The following JHY variants were observed in gnomAD, a reference collection of about 807,000 sequenced individuals.
JHY encodes jhy protein homolog.
JHY carries 69 observed loss-of-function variants against 78.0 expected under a neutral mutation model. The observed-to-expected ratio is 0.88, with a 90% confidence interval of 0.73 to 1.08. The LOEUF is 1.08. JHY is among the 50% of genes least tolerant of loss of function. The probability of loss-of-function intolerance (pLI) is 0.00; values close to 1 mark genes in which losing one functional copy is unlikely to be tolerated. For synonymous variants in JHY, 368 were observed against 342.6 expected (o/e 1.07, Z -0.82); for missense variants, 944 against 927.8 (o/e 1.02, Z -0.23).
At position 122,885,703 on chromosome 11, in the gene JHY, C is replaced by T. The variant is rs1184048317; in HGVS notation, c.-89-58C>T. On this transcript the variant is annotated intron_variant, in intron 1 of 8. Transcript: ENST00000227349. ...CTTACTCATTTAAATATTTGATTAA[C>T]GTTGACAGTATTGAGATTTTAGTGG... 4.0e-5 allele frequency: 25 copies of T among 620,516 alleles called. 1 individual carries two copies. Among genetic ancestry groups the T allele is most frequent in the Middle Eastern group, 4.2e-4 (1 of 2,366 alleles). 38.4% of individuals were successfully genotyped at this position (620,516 alleles called of 1,614,324 possible).
intron 4 of JHY, among the ~76,000 whole-genome samples, chr11:122,925,445 C>A (rs1863475756): frequency 6.6e-6 from 1 of 152,182 alleles, no homozygotes; most frequent in African/African-American, 2.4e-5. Context: ...CCTCACCAAA[C>A]CCTCATTTTC....
Position 122,956,540 on chromosome 11 carries a change from A to G in JHY, c.1974A>G (p.Gly658=). ...KGYQKRDVKL[G]GLGPDFESIR... ...ATCAGAAAAGAGACGTGAAGCTTGGAGGCCTCGGACCTGACTTTGAGTCCA... is the reference window on the plus strand; with the variant it reads ...ATCAGAAAAGAGACGTGAAGCTTGGGGGCCTCGGACCTGACTTTGAGTCCA... The change falls in exon 7 of 9, where the codon GGA becomes GGG. Residue 658 remains glycine (G), a synonymous_variant. Coordinates refer to ENST00000227349, the MANE Select transcript of JHY (RefSeq NM_024806.4). 6.2e-7 allele frequency: 1 copy of G among 1,613,706 alleles called. No individual in the cohort carries two copies. The highest frequency in any genetic ancestry group is 1.7e-5 in the Admixed American group (1 of 60,012).
intron 6 of JHY, among the ~76,000 whole-genome samples, chr11:122,950,500 C>T (rs1864064970): frequency 6.6e-6 from 1 of 152,124 alleles, no homozygotes; most frequent in Non-Finnish European, 1.5e-5. Context: ...TTAGAGGAAG[C>T]CATGGACCCA....
chr11:122,893,877 C>T (rs1355059722), intron 2 of JHY, among the ~76,000 whole-genome samples: 1 of 152,070 alleles, frequency 6.6e-6, no homozygotes, highest in African/African-American at 2.4e-5. Context: ...GAGGAGGAAC[C>T]CAAGACCTAG....
At chr11:122,910,679 G>GA (rs1463042169) in intron 3 of JHY, among the ~76,000 whole-genome samples, 1 of 151,958 alleles carries the variant, frequency 6.6e-6, no homozygotes, top group Non-Finnish European at 1.5e-5. Context: ...AATTAAAATG[G>GA]AAAAATAGCA....
chr11:122,954,568 G>A (rs1864153421), intron 6 of JHY, among the ~76,000 whole-genome samples: 1 of 152,180 alleles, frequency 6.6e-6, no homozygotes, highest in Admixed American at 6.5e-5. Flanking sequence ...GACGACCTCT[G>A]CTAAATTCTG....
At chr11:122,914,163 T>C (rs1032087131) in intron 3 of JHY, among the ~76,000 whole-genome samples, 1 of 152,184 alleles carries the variant, frequency 6.6e-6, no homozygotes, top group Non-Finnish European at 1.5e-5. Context: ...GTGAAAGCTT[T>C]TTATAATCTT....
rs781573324 is a variant in JHY, at chr11:122,924,915, G to GT, written c.884dup (p.Thr296AsnfsTer20). On this transcript the variant is annotated frameshift_variant, in exon 4 of 9. Transcript: ENST00000227349. LOFTEE classifies it high-confidence loss of function. ...TACCTAGATCTCCTACCCCGTCAGA[G>GT]TAACAGACAAGACGTCTATTCAGAA... is the stretch of plus-strand genomic sequence containing the variant. 2 of 1,613,608 alleles carry GT rather than the reference G, an allele frequency of 1.2e-6. No individual in the cohort carries two copies. The highest frequency in any genetic ancestry group is 1.1e-5 in the South Asian group (1 of 91,044).
At chr11:122,884,547 G>A (rs1037491933) in intron 1 of JHY, among the ~76,000 whole-genome samples, 4 of 152,036 alleles carry the variant, frequency 2.6e-5, no homozygotes, top group Admixed American at 1.3e-4. Context: ...ATGTCCGTTC[G>A]GTCCTACATG....
Position 122,957,463 on chromosome 11 carries a change from A to G in JHY, c.2111A>G (p.Gln704Arg). 1 of 1,538,964 alleles carries G rather than the reference A, an allele frequency of 6.5e-7. No individual in the cohort carries two copies. Among genetic ancestry groups the G allele is most frequent in the East Asian group, 2.5e-5 (1 of 39,496 alleles). The part of the protein sequence containing the change: ...ILSKPQTEKT[Q>R]KKSAIPRQKA... ...TCAAAACCACAAACAGAAAAAACTC[A>G]AAAGAAATCTGCTATCCCTCGGCAG... Residue 704 changes from glutamine (Q) to arginine (R), a missense_variant, in exon 8 of 9, where the codon CAA becomes CGA. Coordinates refer to ENST00000227349, the MANE Select transcript of JHY (RefSeq NM_024806.4).
At chr11:122,916,500 G>A (rs974168184) in intron 3 of JHY, among the ~76,000 whole-genome samples, 1 of 152,040 alleles carries the variant, frequency 6.6e-6, no homozygotes, top group African/African-American at 2.4e-5. Flanking sequence ...TGTTTTTCTT[G>A]CATCAGTTTG....
chr11:122,887,564 G>A (rs367813905), intron 2 of JHY, among the ~76,000 whole-genome samples: 272 of 151,708 alleles, frequency 1.8e-3, no homozygotes, highest in African/African-American at 6.4e-3. Flanking sequence ...CTTGTGATCC[G>A]CCCACCTTGG....
intron 3 of JHY, among the ~76,000 whole-genome samples, chr11:122,913,125 T>C (rs1007747598): frequency 6.6e-6 from 1 of 151,908 alleles, no homozygotes; most frequent in Non-Finnish European, 1.5e-5. Context: ...ATGGTGAGAC[T>C]CTCAAAAGAC....
In JHY at chr11:122,946,539, C is replaced by T; in HGVS notation, c.1676C>T (p.Ser559Phe). 6.2e-7 allele frequency: 1 copy of T among 1,611,656 alleles called. No homozygotes were observed. The highest frequency in any genetic ancestry group is 8.5e-7 in the Non-Finnish European group (1 of 1,179,206). ...SSSDSQTVRA[S>F]PDSWLTQIME... The stretch of plus-strand genomic sequence containing the variant: ...TCTGACAGCCAGACGGTTAGAGCTT[C>T]TCCAGATTCATGGCTCACCCAGATA... Residue 559 changes from serine (S) to phenylalanine (F), a missense_variant, in exon 6 of 9, where the codon TCT becomes TTT. Coordinates refer to ENST00000227349, the MANE Select transcript of JHY (RefSeq NM_024806.4).
Position 122,962,811 on chromosome 11 carries a change from A to C in JHY, c.*3366A>C, listed in dbSNP as rs1373909149. On this transcript the variant is annotated 3_prime_UTR_variant, in exon 9 of 9. Transcript: ENST00000227349. ...GAAGATGAAATGGAGGTGAAGAGAA[A>C]GGTTACATGACTCGGAAGTCCATCA... is the stretch of plus-strand genomic sequence containing the variant. Among the ~76,000 whole-genome samples, 1 of 152,196 alleles carries C rather than the reference A, an allele frequency of 6.6e-6. No individual in the cohort carries two copies. Among genetic ancestry groups the C allele is most frequent in the Non-Finnish European group, 1.5e-5 (1 of 68,018 alleles).
At position 122,898,782 on chromosome 11, in the gene JHY, T is replaced by A. The variant is rs1862786974; in HGVS notation, c.345-5143T>A. Among the ~76,000 whole-genome samples the A allele has an allele frequency of 6.6e-6, 1 of 152,266 alleles. No homozygotes were observed. Among genetic ancestry groups the A allele is most frequent in the Non-Finnish European group, 1.5e-5 (1 of 68,040 alleles). On this transcript the variant is annotated intron_variant, in intron 2 of 8. Transcript: ENST00000227349. This position sits in a 1 kb window ranked among gnomAD's most constrained non-coding sequence, Gnocchi z 4.4. ...TTTGCTTGCTAATTAACTCTCTGGT[T>A]AATTTTGTTAAGCCCGAGCTGCTTC...
intron 2 of JHY, among the ~76,000 whole-genome samples, chr11:122,894,748 C>A (rs569243019): frequency 2.0e-5 from 3 of 151,998 alleles, no homozygotes; most frequent in South Asian, 2.1e-4. Context: ...AGTCACAAAT[C>A]TGTTATCAAA....
intron 5 of JHY, among the ~76,000 whole-genome samples, chr11:122,936,427 T>C (rs79069353): frequency 1.4e-5 from 2 of 142,716 alleles, no homozygotes; most frequent in African/African-American, 2.7e-5. Flanking sequence ...CATCTTTGTC[T>C]TTTTTTTTTT....
intron 6 of JHY, among the ~76,000 whole-genome samples, chr11:122,949,735 C>T (rs1428601372): frequency 2.6e-5 from 4 of 152,114 alleles, no homozygotes; most frequent in Non-Finnish European, 4.4e-5. Flanking sequence ...GGACCCTATC[C>T]GTGCCCACGC....
Sources: gnomAD v4.1 joint callset for allele counts (sites outside exome capture counted in the v4.1 genomes callset) on GRCh38, gnomAD v4.1.1 for gene constraint, Gnocchi (gnomAD v3.1) non-coding constraint, MANE v1.5 for transcripts, NCBI Gene and HGNC (gene_info 2026-07-23, HGNC 2026-07-21) for gene names.